The following ZNF385D variants were observed in gnomAD, a reference collection of about 807,000 sequenced individuals.
ZNF385D encodes the protein zinc finger protein 659.
Under a neutral mutation model 35.8 loss-of-function variants are expected in ZNF385D, and 15 were observed. That is an observed-to-expected ratio of 0.42 (90% CI 0.28 to 0.64). ZNF385D has a LOEUF of 0.64. Among genes scored for constraint, ZNF385D ranks in the 30% least tolerant of loss-of-function variants. ZNF385D has a pLI of 0.23. For missense variants in ZNF385D, 474 were observed against 494.6 expected (o/e 0.96, Z 0.39); for synonymous variants, 212 against 186.8 (o/e 1.13, Z -1.10).
chr3:21,599,176 C>T (rs1408956328), intron 2 of ZNF385D, among the ~76,000 whole-genome samples: 3 of 152,152 alleles, frequency 2.0e-5, no homozygotes, highest in Non-Finnish European at 4.4e-5. Context: ...GTCCTCTCGG[C>T]AAACAGAGGG....
rs796451510 is a variant in ZNF385D at position 22,226,126 on chromosome 3, C to CA, written c.107-57092dup. On this transcript the variant is annotated intron_variant, in intron 2 of 5. Transcript: ENST00000494108. ...CTCTCCCAAAGTAAATGGAACTAAA[C>CA]AAAAAAAAAAAGTTAGCTAAGTACT... is the stretch of plus-strand genomic sequence containing the variant. Among the ~76,000 whole-genome samples, 1,090 of 141,762 alleles carry CA rather than the reference C, an allele frequency of 7.7e-3. 16 individuals are homozygous for CA. The highest frequency in any genetic ancestry group is 0.025 in the African/African-American group (964 of 38,816). The allele number at this position is 141,762 out of a possible 152,430, so 93.0% of individuals were successfully genotyped here.
intron 2 of ZNF385D, among the ~76,000 whole-genome samples, chr3:22,238,732 TTATA>T (rs1270965142): frequency 6.6e-6 from 1 of 150,824 alleles, no homozygotes. Flanking sequence ...TTAATATTTT[TTATA>T]TATAGATTTT....
chr3:21,575,504 G>A (rs987506595), intron 2 of ZNF385D, among the ~76,000 whole-genome samples: 6 of 152,098 alleles, frequency 3.9e-5, no homozygotes, highest in Non-Finnish European at 7.4e-5. Context: ...TAAGGGAATA[G>A]CATTTTTTAA....
chr3:22,263,678 G>T lies in ZNF385D; in HGVS notation c.107-94643C>A, dbSNP rs139358265. Reference sequence around the variant, plus strand: ...ATAAATATTTGTTAAATGAATGAATGAACAAATGAATAAGAATTGCCTTGG... The same window carrying T: ...ATAAATATTTGTTAAATGAATGAATTAACAAATGAATAAGAATTGCCTTGG... On this transcript the variant is annotated intron_variant, in intron 2 of 5. Transcript: ENST00000494108. Among the ~76,000 whole-genome samples the T allele has an allele frequency of 3.3e-3, 509 of 152,070 alleles. 1 individual carries two copies. The highest frequency in any genetic ancestry group is 0.012 in the African/African-American group (478 of 41,522).
chr3:22,008,572 G>A (rs1696367132), intron 3 of ZNF385D, among the ~76,000 whole-genome samples: 1 of 152,038 alleles, frequency 6.6e-6, no homozygotes, highest in Non-Finnish European at 1.5e-5. Flanking sequence ...TAGCCAGCAT[G>A]GTCTCGATCT....
intron 1 of ZNF385D, among the ~76,000 whole-genome samples, chr3:21,726,498 A>T (rs1331845074): frequency 6.6e-6 from 1 of 152,226 alleles, no homozygotes; most frequent in Admixed American, 6.5e-5. Context: ...TACAAAATCA[A>T]TGTGCAAAAA....
At chr3:22,066,230 C>T (rs2125551862) in intron 3 of ZNF385D, among the ~76,000 whole-genome samples, 1 of 151,890 alleles carries the variant, frequency 6.6e-6, no homozygotes, top group East Asian at 1.9e-4. Context: ...AGAGAGACTG[C>T]TTATGAAACA....
chr3:21,779,548 G>A (rs546851556), intron 3 of ZNF385D, among the ~76,000 whole-genome samples: 1 of 151,932 alleles, frequency 6.6e-6, no homozygotes, highest in African/African-American at 2.4e-5. Context: ...TCAGCACATG[G>A]AGTTTATACA....
At chr3:22,355,052 GT>G (rs1696087633) in intron 2 of ZNF385D, among the ~76,000 whole-genome samples, 1 of 151,876 alleles carries the variant, frequency 6.6e-6, no homozygotes, top group African/African-American at 2.4e-5. Flanking sequence ...TTATACATTT[GT>G]TTGTGAGCCT....
At chr3:21,990,356 A>G (rs1159955046) in intron 3 of ZNF385D, among the ~76,000 whole-genome samples, 4 of 152,168 alleles carry the variant, frequency 2.6e-5, no homozygotes, top group Admixed American at 1.3e-4. Flanking sequence ...CACAAATCCA[A>G]AGTTAGAAAT....
At chr3:21,838,514 C>T (rs567640015) in intron 3 of ZNF385D, among the ~76,000 whole-genome samples, 4 of 152,040 alleles carry the variant, frequency 2.6e-5, no homozygotes, top group Non-Finnish European at 2.9e-5. Context: ...AATATCACAC[C>T]GACACTCTAA....
At chr3:21,861,351 C>T (rs1697045023) in intron 3 of ZNF385D, among the ~76,000 whole-genome samples, 2 of 152,092 alleles carry the variant, frequency 1.3e-5, no homozygotes, top group Admixed American at 1.3e-4. Flanking sequence ...TTAGGGGCAT[C>T]CATTGTTGCT....
At chr3:22,003,683 A>T (rs1185495682) in intron 3 of ZNF385D, among the ~76,000 whole-genome samples, 2 of 152,122 alleles carry the variant, frequency 1.3e-5, no homozygotes, top group Non-Finnish European at 2.9e-5. Flanking sequence ...CTGGGCCAAC[A>T]TGATGAAACC....
chr3:21,833,445 G>C (rs538651106), intron 3 of ZNF385D, among the ~76,000 whole-genome samples: 1 of 152,146 alleles, frequency 6.6e-6, no homozygotes, highest in African/African-American at 2.4e-5. Context: ...TGCCACGCAC[G>C]TGGAGAGGAT....
intron 2 of ZNF385D, among the ~76,000 whole-genome samples, chr3:22,279,563 CAT>C (rs541616185): frequency 8.8e-5 from 12 of 136,366 alleles, no homozygotes; most frequent in East Asian, 2.1e-4. Flanking sequence ...TACATATGTA[CAT>C]ATATATGTAT....
At chr3:22,251,536 C>G (rs1379905329) in intron 2 of ZNF385D, among the ~76,000 whole-genome samples, 3 of 152,088 alleles carry the variant, frequency 2.0e-5, no homozygotes, top group Non-Finnish European at 4.4e-5. Flanking sequence ...CAGGATTTCT[C>G]AGCTTCAGCA....
intron 3 of ZNF385D, among the ~76,000 whole-genome samples, chr3:22,019,427 C>T (rs1476908437): frequency 2.0e-5 from 3 of 151,794 alleles, no homozygotes; most frequent in Admixed American, 6.6e-5. Context: ...ATATGTCTAA[C>T]CCATCTCATA....
At chr3:22,186,746 A>G (rs1469349418) in intron 2 of ZNF385D, among the ~76,000 whole-genome samples, 3 of 152,168 alleles carry the variant, frequency 2.0e-5, no homozygotes, top group Non-Finnish European at 2.9e-5. Context: ...CCCAGTATTC[A>G]TAAAATATGT....
chr3:21,553,783 T>C (rs1018719631), intron 3 of ZNF385D, among the ~76,000 whole-genome samples: 13 of 152,304 alleles, frequency 8.5e-5, no homozygotes, highest in Admixed American at 8.5e-4. Flanking sequence ...GTTCACAGCA[T>C]CTTCATCAGC....
Sources: gnomAD v4.1 joint callset for allele counts (sites outside exome capture counted in the v4.1 genomes callset) on GRCh38, gnomAD v4.1.1 for gene constraint, MANE v1.5 for transcripts, NCBI Gene and HGNC (gene_info 2026-07-23, HGNC 2026-07-21) for gene names.